Variants in PDE4B observed in about 807,000 individuals in gnomAD.
PDE4B encodes phosphodiesterase 4B.
In PDE4B, 20 loss-of-function variants were observed where a neutral mutation model predicts 82.2. The observed-to-expected ratio is 0.24, with a 90% CI of 0.17 to 0.35. PDE4B has a LOEUF of 0.35. PDE4B is among the 10% of genes least tolerant of loss of function. PDE4B has a pLI of 1.00. For missense variants in PDE4B, 655 were observed against 907.2 expected (o/e 0.72, Z 3.57); for synonymous variants, 320 against 318.9 (o/e 1.00, Z -0.04).
intron 3 of PDE4B, among the ~76,000 whole-genome samples, chr1:66,167,683 A>T (rs933473590): frequency 6.6e-6 from 1 of 152,224 alleles, no homozygotes; most frequent in Non-Finnish European, 1.5e-5. Flanking sequence ...TTTCTATGGA[A>T]GTGAAAAAGA....
intron 1 of PDE4B, among the ~76,000 whole-genome samples, chr1:65,830,458 T>C (rs1195079469): frequency 6.6e-6 from 1 of 152,106 alleles, no homozygotes; most frequent in Non-Finnish European, 1.5e-5. Context: ...CTTGCCTAGG[T>C]GACCAAGGTT....
intron 7 of PDE4B, among the ~76,000 whole-genome samples, chr1:66,329,449 T>G (rs2101908586): frequency 6.6e-6 from 1 of 152,326 alleles, no homozygotes; most frequent in East Asian, 1.9e-4. Context: ...TATAGCAATT[T>G]TACTGCTTTT....
At chr1:65,925,357 TA>T (rs764168888) in intron 3 of PDE4B, among the ~76,000 whole-genome samples, 3 of 152,062 alleles carry the variant, frequency 2.0e-5, no homozygotes, top group Non-Finnish European at 4.4e-5. Context: ...TACTACTATT[TA>T]AAAAAACTTT....
At chr1:66,092,115 T>A (rs1412822453) in intron 3 of PDE4B, among the ~76,000 whole-genome samples, 1 of 151,916 alleles carries the variant, frequency 6.6e-6, no homozygotes, top group African/African-American at 2.4e-5. Flanking sequence ...CCAGTGGAAA[T>A]CAGAATTTAA....
intron 3 of PDE4B, among the ~76,000 whole-genome samples, chr1:66,139,406 A>C (rs76728268): frequency 0.011 from 1,735 of 152,028 alleles, 33 homozygotes; most frequent in African/African-American, 0.039. Context: ...CTCCATCTTC[A>C]AGCCAGCAAA....
rs1646617604 is a variant in PDE4B at position 65,874,685 on chromosome 1, A to G, written c.-70-38560A>G. On this transcript the variant is annotated intron_variant, in intron 1 of 16. Coordinates refer to ENST00000341517, the MANE Select transcript of PDE4B (RefSeq NM_002600.4). ...ATCTTTGACAAACCTGAGAAAAACA[A>G]GCAATGGGGAAAGGATTCCCTATTT... is the stretch of plus-strand genomic sequence containing the variant. Among the ~76,000 whole-genome samples, 5 of 152,026 alleles carry G rather than the reference A, an allele frequency of 3.3e-5. No homozygotes were observed. In the South Asian group the frequency reaches 1.0e-3, roughly 32 times the overall value.
chr1:65,810,501 C>G (rs923714644), intron 1 of PDE4B, among the ~76,000 whole-genome samples: 1 of 152,076 alleles, frequency 6.6e-6, no homozygotes, highest in African/African-American at 2.4e-5. Flanking sequence ...AAAGTCTATA[C>G]TTTTTCTAGT....
At chr1:65,865,957 A>G (rs1646506171) in intron 1 of PDE4B, among the ~76,000 whole-genome samples, 2 of 152,250 alleles carry the variant, frequency 1.3e-5, no homozygotes, top group South Asian at 4.1e-4. Flanking sequence ...ATCCTGTGTG[A>G]ATTGTAGCTG....
chr1:65,953,759 G>A (rs2100577685), intron 3 of PDE4B, among the ~76,000 whole-genome samples: 1 of 152,146 alleles, frequency 6.6e-6, no homozygotes, highest in South Asian at 2.1e-4. Context: ...GTGTACATAT[G>A]TTTTTATAAG....
chr1:65,825,705 CCTAT>C (rs57327589), intron 1 of PDE4B, among the ~76,000 whole-genome samples: 12,954 of 107,116 alleles, frequency 0.12, 751 homozygotes, highest in African/African-American at 0.15. Context: ...AACAAAATTA[CCTAT>C]CTATCTATCT....
At chr1:66,029,025 G>C (rs998712451) in intron 3 of PDE4B, among the ~76,000 whole-genome samples, 4 of 151,992 alleles carry the variant, frequency 2.6e-5, no homozygotes, top group Admixed American at 6.6e-5. Flanking sequence ...CCACTCTACT[G>C]GTACCAATTT....
chr1:66,065,342 A>T (rs925268669), intron 3 of PDE4B, among the ~76,000 whole-genome samples: 1 of 151,892 alleles, frequency 6.6e-6, no homozygotes, highest in South Asian at 2.1e-4. Context: ...TGATTTCAGA[A>T]ACATTAACAT....
chr1:66,347,075 C>G (rs1453879504), intron 8 of PDE4B, among the ~76,000 whole-genome samples: 1 of 152,130 alleles, frequency 6.6e-6, no homozygotes, highest in Non-Finnish European at 1.5e-5. Context: ...CTATATCATG[C>G]TGTTATGACG....
chr1:66,290,152 A>G (rs1656963805), intron 7 of PDE4B, among the ~76,000 whole-genome samples: 1 of 152,188 alleles, frequency 6.6e-6, no homozygotes, highest in African/African-American at 2.4e-5. Context: ...CAGAGAAAAG[A>G]TTAGGCAGAG....
At chr1:66,151,049 T>A (rs1646382724) in intron 3 of PDE4B, among the ~76,000 whole-genome samples, 1 of 152,222 alleles carries the variant, frequency 6.6e-6, no homozygotes, top group African/African-American at 2.4e-5. Context: ...TGACCTCAGA[T>A]AATGAGTTGG....
At chr1:66,033,417 T>C (rs1055807107) in intron 3 of PDE4B, among the ~76,000 whole-genome samples, 7 of 152,200 alleles carry the variant, frequency 4.6e-5, no homozygotes, top group Non-Finnish European at 7.3e-5. Flanking sequence ...GTTCTACATG[T>C]TCATCCTGCC....
intron 3 of PDE4B, among the ~76,000 whole-genome samples, chr1:66,057,848 C>A (rs1655383201): frequency 6.6e-6 from 1 of 152,110 alleles, no homozygotes; most frequent in African/African-American, 2.4e-5. Context: ...CAAAACCAAA[C>A]CATATCATTC....
intron 1 of PDE4B, among the ~76,000 whole-genome samples, chr1:65,869,218 C>A (rs1229250733): frequency 6.6e-6 from 1 of 152,312 alleles, no homozygotes; most frequent in East Asian, 1.9e-4. Flanking sequence ...TACATTAGTT[C>A]ACATCTCAAA....
chr1:65,821,326 T>C (rs1645950197), intron 1 of PDE4B, among the ~76,000 whole-genome samples: 1 of 152,228 alleles, frequency 6.6e-6, no homozygotes, highest in Non-Finnish European at 1.5e-5. Context: ...GGGTGCCCCT[T>C]GGTAGAATGA....
Sources: allele counts gnomAD v4.1 joint callset (sites outside exome capture counted in the v4.1 genomes callset), GRCh38; gene constraint gnomAD v4.1.1; transcripts MANE v1.5; gene names NCBI Gene and HGNC (gene_info 2026-07-23, HGNC 2026-07-21).